The following MAP2K5 variants were observed in gnomAD, a reference collection of about 807,000 sequenced individuals.
MAP2K5 encodes the protein mitogen-activated protein kinase kinase 5, also known as dual specificity mitogen-activated protein kinase kinase 5.
Under a neutral mutation model 83.1 loss-of-function variants are expected in MAP2K5, and 49 were observed. The ratio of observed to expected loss-of-function variants is 0.59; its 90% confidence interval spans 0.47 to 0.75. The LOEUF is 0.75. Among genes scored for constraint, MAP2K5 ranks in the 30% least tolerant of loss-of-function variants. MAP2K5 has a pLI of 0.00. For synonymous variants in MAP2K5, 202 were observed against 191.8 expected (o/e 1.05, Z -0.44); for missense variants, 457 against 557.5 (o/e 0.82, Z 1.82).
rs950072882 is a variant in MAP2K5 at position 67,770,788 on chromosome 15, A to G, written c.1196+1125A>G. On this transcript the variant is annotated intron_variant, in intron 20 of 21. Transcript: ENST00000178640. The surrounding 1 kb of genome is among the most constrained non-coding windows in gnomAD (Gnocchi z 5.0). ...AATGTCAAGCTTTATCACCTTTTTG[A>G]CTAAGTGTAACATGTTACCTCTTAA... 1.3e-5 allele frequency among the ~76,000 whole-genome samples: 2 copies of G among 152,160 alleles called. No individual in the cohort carries two copies. The highest frequency in any genetic ancestry group is 2.9e-5 in the Non-Finnish European group (2 of 68,024).
At position 67,630,851 on chromosome 15, in the gene MAP2K5, T is replaced by C. The variant is rs910752846; in HGVS notation, c.546-37T>C. 3.2e-6 allele frequency: 5 copies of C among 1,545,562 alleles called. No homozygotes were observed. The African/African-American group carries it at 4.1e-5, about 13-fold the overall frequency. ...CTTAACCATTTTGTAGGTTGTTTAGTGATCCCAAATGATTTTGTTTTTTTT... is the reference window on the plus strand; with the variant it reads ...CTTAACCATTTTGTAGGTTGTTTAGCGATCCCAAATGATTTTGTTTTTTTT... On this transcript the variant is annotated intron_variant, in intron 8 of 21. Transcript: ENST00000178640.
chr15:67,696,919 C>T (rs965742629), intron 15 of MAP2K5, among the ~76,000 whole-genome samples: 3 of 152,128 alleles, frequency 2.0e-5, no homozygotes, highest in Admixed American at 6.5e-5. Flanking sequence ...GCGGAGGTTG[C>T]GGTGAGCTGA....
At chr15:67,689,637 C>T (rs555748674) in intron 13 of MAP2K5, among the ~76,000 whole-genome samples, 3 of 152,224 alleles carry the variant, frequency 2.0e-5, no homozygotes, top group African/African-American at 7.2e-5. Flanking sequence ...AGTAGGCTTA[C>T]ATATATGTTA....
At chr15:67,803,412 G>A (rs2090741564) in intron 21 of MAP2K5, among the ~76,000 whole-genome samples, 1 of 152,176 alleles carries the variant, frequency 6.6e-6, no homozygotes, top group African/African-American at 2.4e-5. Flanking sequence ...TTGTTTGCTT[G>A]CTAAACTCAT....
chr15:67,776,353 T>G (rs2090238404), intron 21 of MAP2K5, among the ~76,000 whole-genome samples: 1 of 151,990 alleles, frequency 6.6e-6, no homozygotes, highest in Non-Finnish European at 1.5e-5. Context: ...ACCAACAAAC[T>G]TAGGGACAAA....
chr15:67,565,124 T>C lies in MAP2K5; in HGVS notation c.252+1774T>C, dbSNP rs1567275784. Among the ~76,000 whole-genome samples the C allele has an allele frequency of 6.6e-6, 1 of 152,200 alleles. No individual in the cohort carries two copies. ...AGCTAGTATGAATGTGAATATGGAA[T>C]TTAAGTTCAGTTTCTTTTCATGCCC... is the stretch of plus-strand genomic sequence containing the variant. On this transcript the variant is annotated intron_variant, in intron 3 of 21. Transcript: ENST00000178640. This position sits in a 1 kb window ranked among gnomAD's most constrained non-coding sequence, Gnocchi z 4.1.
rs183231485 is a variant in MAP2K5 at position 67,770,423 on chromosome 15, G to A, written c.1196+760G>A. On this transcript the variant is annotated intron_variant, in intron 20 of 21. Transcript: ENST00000178640. This position sits in a 1 kb window ranked among gnomAD's most constrained non-coding sequence, Gnocchi z 5.0. ...CCTTGGGAGGCCCAGGTATTCCTCT[G>A]CCCTCTCCCTCACTCCAGCACAGAG... Among the ~76,000 whole-genome samples, 30 of 152,234 alleles carry A rather than the reference G, an allele frequency of 2.0e-4. No homozygotes were observed. The East Asian group carries it at 5.2e-3, about 27-fold the overall frequency.
At chr15:67,728,952 C>T (rs972117216) in intron 17 of MAP2K5, among the ~76,000 whole-genome samples, 1 of 152,166 alleles carries the variant, frequency 6.6e-6, no homozygotes, top group South Asian at 2.1e-4. Flanking sequence ...ATGTCTCTTT[C>T]GTATTCTTTT....
intron 8 of MAP2K5, among the ~76,000 whole-genome samples, chr15:67,621,482 A>G (rs1945305988): frequency 6.6e-6 from 1 of 152,004 alleles, no homozygotes; most frequent in Non-Finnish European, 1.5e-5. Context: ...AATTCAAGAA[A>G]CAATTCAACA....
intron 17 of MAP2K5, among the ~76,000 whole-genome samples, chr15:67,737,354 T>C (rs910435937): frequency 1.7e-4 from 26 of 152,128 alleles, no homozygotes; most frequent in Non-Finnish European, 1.5e-5. Flanking sequence ...TTGGGTAGAT[T>C]TGGGGATAGG....
intron 15 of MAP2K5, among the ~76,000 whole-genome samples, chr15:67,695,397 A>G (rs1022097709): frequency 3.9e-5 from 6 of 152,132 alleles, no homozygotes; most frequent in African/African-American, 1.4e-4. Context: ...TTTGTCTTGC[A>G]TGGTTTTTAA....
At chr15:67,580,887 G>A in intron 4 of MAP2K5, 64 bp downstream of exon 4, 7 of 1,057,008 alleles carry the variant, frequency 6.6e-6, no homozygotes, top group South Asian at 6.3e-5. Context: ...CAACAGTTAT[G>A]TTTCCAAAGG....
In MAP2K5 at chr15:67,652,337, T is replaced by C. The variant is rs879357956; in HGVS notation, c.736+5868T>C. Among the ~76,000 whole-genome samples the C allele has an allele frequency of 1.3e-5, 2 of 152,216 alleles. No homozygotes were observed. Among genetic ancestry groups the C allele is most frequent in the Non-Finnish European group, 1.5e-5 (1 of 68,048 alleles). On this transcript the variant is annotated intron_variant, in intron 11 of 21. Transcript: ENST00000178640. This position sits in a 1 kb window ranked among gnomAD's most constrained non-coding sequence, Gnocchi z 4.2. The stretch of plus-strand genomic sequence containing the variant: ...AAGGAATACCTGAGACTGGGTAATT[T>C]ATAAAGAAAAGTGGTTTATTTGGCT...
rs902669017 is a variant in MAP2K5, at chr15:67,708,155, A to C, written c.1044+4747A>C. Among the ~76,000 whole-genome samples the C allele has an allele frequency of 6.6e-6, 1 of 151,992 alleles. No individual in the cohort carries two copies. Among genetic ancestry groups the C allele is most frequent in the East Asian group, 1.9e-4 (1 of 5,182 alleles). On this transcript the variant is annotated intron_variant, in intron 16 of 21. Coordinates refer to ENST00000178640, the MANE Select transcript of MAP2K5 (RefSeq NM_145160.3). The surrounding 1 kb of genome is among the most constrained non-coding windows in gnomAD (Gnocchi z 4.9). Reference sequence around the variant, plus strand: ...ACATAGCAAGACTCCATCTCTAAAAAAACAATTTTTTTTTTCATTTAGCCA... The same window carrying C: ...ACATAGCAAGACTCCATCTCTAAAACAACAATTTTTTTTTTCATTTAGCCA...
At chr15:67,604,026 A>G (rs550290123) in intron 8 of MAP2K5, among the ~76,000 whole-genome samples, 1 of 152,372 alleles carries the variant, frequency 6.6e-6, no homozygotes, top group East Asian at 1.9e-4. Context: ...ATTTCAAGGG[A>G]TATTATAATC....
chr15:67,791,339 T>C (rs1363026260), intron 21 of MAP2K5, among the ~76,000 whole-genome samples: 1 of 152,200 alleles, frequency 6.6e-6, no homozygotes, highest in Non-Finnish European at 1.5e-5. Flanking sequence ...ACTCTGACTT[T>C]GTTATGCAGG....
At position 67,708,057 on chromosome 15, in the gene MAP2K5, T is replaced by A. The variant is rs2088599091; in HGVS notation, c.1044+4649T>A. Among the ~76,000 whole-genome samples the A allele has an allele frequency of 6.6e-6, 1 of 152,214 alleles. No homozygotes were observed. The highest frequency in any genetic ancestry group is 1.5e-5 in the Non-Finnish European group (1 of 68,028). ...CAGGCTAGGCCTGGCGGCTCATTCC[T>A]GTAATACCAGCACTTTGAGAGGCTG... On this transcript the variant is annotated intron_variant, in intron 16 of 21. Transcript: ENST00000178640. The surrounding 1 kb of genome is among the most constrained non-coding windows in gnomAD (Gnocchi z 4.9).
chr15:67,590,438 C>CCTCCCTCTCTCT (rs2085376980), intron 6 of MAP2K5, among the ~76,000 whole-genome samples: 1 of 67,298 alleles, frequency 1.5e-5, no homozygotes. Context: ...TCTCTCTCTC[C>CCTCCCTCTCTCT]CTCCCTCCCT....
intron 4 of MAP2K5, among the ~76,000 whole-genome samples, chr15:67,585,046 G>A (rs2085259658): frequency 7.6e-6 from 1 of 131,990 alleles, no homozygotes; most frequent in South Asian, 2.6e-4. Context: ...GTCAGAAACA[G>A]GAAAACGACA....
Sources: gnomAD v4.1 joint callset for allele counts (sites outside exome capture counted in the v4.1 genomes callset) on GRCh38, gnomAD v4.1.1 for gene constraint, Gnocchi (gnomAD v3.1) non-coding constraint, MANE v1.5 for transcripts, NCBI Gene and HGNC (gene_info 2026-07-23, HGNC 2026-07-21) for gene names.